The following SAMD12 variants were observed in gnomAD, a reference collection of about 807,000 sequenced individuals.
SAMD12 encodes the protein sterile alpha motif domain containing 12, also known as sterile alpha motif domain-containing protein 12.
A neutral mutation model predicts 15.0 loss-of-function variants in SAMD12; 9 were observed. That is an observed-to-expected ratio of 0.60 (90% CI 0.36 to 1.05). The LOEUF is 1.05. Ranked by LOEUF, SAMD12 falls within the 50% of genes least tolerant of loss-of-function variation. The pLI is 0.01. For missense variants in SAMD12, 230 were observed against 234.2 expected (o/e 0.98, Z 0.12); for synonymous variants, 86 against 90.1 (o/e 0.96, Z 0.25).
chr8:118,372,975 C>A (rs1464024190), intron 4 of SAMD12, among the ~76,000 whole-genome samples: 2 of 152,024 alleles, frequency 1.3e-5, no homozygotes, highest in Non-Finnish European at 2.9e-5. Flanking sequence ...TGGAAAACAT[C>A]ATAGGTTGCC....
chr8:118,551,069 T>G (rs1336435894), intron 2 of SAMD12, among the ~76,000 whole-genome samples: 1 of 151,926 alleles, frequency 6.6e-6, no homozygotes, highest in African/African-American at 2.4e-5. Flanking sequence ...GACCACACAT[T>G]AATAATGGGA....
chr8:118,340,424 T>A (rs187589616), intron 4 of SAMD12, among the ~76,000 whole-genome samples: 120 of 152,290 alleles, frequency 7.9e-4, no homozygotes, highest in African/African-American at 2.7e-3. Context: ...CTTAATTTTG[T>A]CATGTATATA....
At chr8:118,201,020 T>A (rs1432026987) in intron 4 of SAMD12, among the ~76,000 whole-genome samples, 1 of 152,184 alleles carries the variant, frequency 6.6e-6, no homozygotes, top group African/African-American at 2.4e-5. Flanking sequence ...AATCTTTCTA[T>A]CAATCACATC....
chr8:118,348,739 C>T (rs969384141), intron 4 of SAMD12, among the ~76,000 whole-genome samples: 3 of 152,146 alleles, frequency 2.0e-5, no homozygotes, highest in African/African-American at 4.8e-5. Flanking sequence ...TCCTTTGCTC[C>T]GTGCTATGAA....
intron 4 of SAMD12, among the ~76,000 whole-genome samples, chr8:118,327,180 G>C (rs566561569): frequency 6.6e-6 from 1 of 152,294 alleles, no homozygotes; most frequent in African/African-American, 2.4e-5. Flanking sequence ...TTGTTTCTGT[G>C]TGTGTGTGTT....
intron 2 of SAMD12, among the ~76,000 whole-genome samples, chr8:118,503,591 T>C (rs983825697): frequency 6.6e-6 from 1 of 152,218 alleles, no homozygotes. Flanking sequence ...AGGATTACGC[T>C]GCCTTTCATC....
chr8:118,532,233 TTA>T (rs1248153965), intron 2 of SAMD12, among the ~76,000 whole-genome samples: 1 of 152,192 alleles, frequency 6.6e-6, no homozygotes. Flanking sequence ...AAATGATGGA[TTA>T]TGTTTATTGA....
intron 4 of SAMD12, among the ~76,000 whole-genome samples, chr8:118,316,729 T>C (rs1328094692): frequency 6.6e-6 from 1 of 152,012 alleles, no homozygotes; most frequent in Non-Finnish European, 1.5e-5. Context: ...GAATGAATTG[T>C]GTCCACTCCC....
chr8:118,401,453 C>T (rs1281207690), intron 3 of SAMD12, among the ~76,000 whole-genome samples: 1 of 151,968 alleles, frequency 6.6e-6, no homozygotes, highest in Non-Finnish European at 1.5e-5. Flanking sequence ...TCATTGTAGC[C>T]TTGAACTCCT....
intron 4 of SAMD12, among the ~76,000 whole-genome samples, chr8:118,324,079 TCTAA>T (rs1174232732): frequency 3.3e-5 from 5 of 152,216 alleles, no homozygotes; most frequent in African/African-American, 2.4e-5. Flanking sequence ...GCCGATTCCT[TCTAA>T]CTTTTATCTA....
intron 2 of SAMD12, among the ~76,000 whole-genome samples, chr8:118,536,948 C>T (rs1825862106): frequency 6.6e-6 from 1 of 152,170 alleles, no homozygotes. Context: ...CTTAGTATTT[C>T]TTGTAGGACA....
intron 4 of SAMD12, among the ~76,000 whole-genome samples, chr8:118,363,697 TA>T (rs1421732841): frequency 6.6e-6 from 1 of 152,216 alleles, no homozygotes; most frequent in African/African-American, 2.4e-5. Flanking sequence ...GCAGATTCTT[TA>T]TAATAAATTT....
chr8:118,584,756 C>G (rs937211911), intron 1 of SAMD12, among the ~76,000 whole-genome samples: 3 of 152,046 alleles, frequency 2.0e-5, no homozygotes, highest in Non-Finnish European at 2.9e-5. Flanking sequence ...TTGAAGGCAC[C>G]ATGTTTTTTT....
At chr8:118,462,476 A>AT (rs1272320971) in intron 2 of SAMD12, among the ~76,000 whole-genome samples, 1 of 152,164 alleles carries the variant, frequency 6.6e-6, no homozygotes, top group African/African-American at 2.4e-5. Flanking sequence ...CACAAGCCGG[A>AT]TACTCTGATT....
At chr8:118,288,650 C>T (rs1030243222) in intron 4 of SAMD12, among the ~76,000 whole-genome samples, 1 of 152,096 alleles carries the variant, frequency 6.6e-6, no homozygotes, top group African/African-American at 2.4e-5. Context: ...AAGAACAGAG[C>T]TATTTAGTTA....
At chr8:118,359,352 G>A (rs1169410078) in intron 4 of SAMD12, among the ~76,000 whole-genome samples, 1 of 152,072 alleles carries the variant, frequency 6.6e-6, no homozygotes, top group African/African-American at 2.4e-5. Flanking sequence ...CTAGCCTCCA[G>A]GACAGCAAGC....
chr8:118,448,699 C>G (rs1455177606), intron 2 of SAMD12, among the ~76,000 whole-genome samples: 1 of 152,208 alleles, frequency 6.6e-6, no homozygotes, highest in African/African-American at 2.4e-5. Context: ...CAGCTCACAT[C>G]TCTGACCCTC....
chr8:118,221,942 G>A (rs957734450), intron 4 of SAMD12, among the ~76,000 whole-genome samples: 2 of 152,180 alleles, frequency 1.3e-5, no homozygotes. Flanking sequence ...ACAGTTCCTG[G>A]AACAGAGAAG....
At position 118,258,400 on chromosome 8, in the gene SAMD12, T is replaced by C. The variant is rs1338962813; in HGVS notation, c.434-60668A>G. Among the ~76,000 whole-genome samples, 4 of 152,296 alleles carry C rather than the reference T, an allele frequency of 2.6e-5. No individual in the cohort carries two copies. In the South Asian group the frequency reaches 6.2e-4, roughly 24 times the overall value. On this transcript the variant is annotated intron_variant, in intron 4 of 4. Transcript: ENST00000409003. ...TACATGAGTTTATTCATATTGGTGATTGGGGAGTTAGACTATATTTCTGTC... is the reference window on the plus strand; with the variant it reads ...TACATGAGTTTATTCATATTGGTGACTGGGGAGTTAGACTATATTTCTGTC...
Sources: allele counts gnomAD v4.1 joint callset (sites outside exome capture counted in the v4.1 genomes callset), GRCh38; gene constraint gnomAD v4.1.1; transcripts MANE v1.5; gene names NCBI Gene and HGNC (gene_info 2026-07-23, HGNC 2026-07-21).